Variants in RTN4 observed in about 807,000 individuals in gnomAD.
The protein encoded by RTN4 is reticulon-4.
A neutral mutation model predicts 90.4 loss-of-function variants in RTN4; 32 were observed. That is an observed-to-expected ratio of 0.35 (90% CI 0.27 to 0.48). The LOEUF is 0.48. Among genes scored for constraint, RTN4 ranks in the 20% least tolerant of loss-of-function variants. RTN4 has a pLI of 0.99. For synonymous variants in RTN4, 629 were observed against 552.5 expected (o/e 1.14, Z -1.94); for missense variants, 1,706 against 1,430.2 (o/e 1.19, Z -3.11).
chr2:55,072,617 A>G (rs1217433297), intron 2 of RTN4, among the ~76,000 whole-genome samples: 1 of 152,262 alleles, frequency 6.6e-6, no homozygotes, highest in African/African-American at 2.4e-5. Context: ...CACTTTTGAT[A>G]ATAATTTTTT....
intron 1 of RTN4, among the ~76,000 whole-genome samples, chr2:55,085,917 C>A (rs1668828816): frequency 2.0e-5 from 3 of 152,174 alleles, no homozygotes; most frequent in Admixed American, 6.5e-5. Context: ...CTTGTGTAAT[C>A]TTCACAAATC....
At chr2:55,041,501 C>G (rs753509870) in intron 1 of RTN4, among the ~76,000 whole-genome samples, 1 of 152,004 alleles carries the variant, frequency 6.6e-6, no homozygotes, top group South Asian at 2.1e-4. Flanking sequence ...GCACAACAGT[C>G]TGATACTTCT....
intron 3 of RTN4, among the ~76,000 whole-genome samples, chr2:54,989,964 C>T (rs1390771096): frequency 4.6e-5 from 7 of 152,022 alleles, no homozygotes; most frequent in African/African-American, 1.7e-4. Context: ...GGTAGGATCA[C>T]TCTTTCCTGT....
intron 3 of RTN4, among the ~76,000 whole-genome samples, chr2:55,022,017 A>G (rs1681478139): frequency 6.6e-6 from 1 of 152,168 alleles, no homozygotes; most frequent in African/African-American, 2.4e-5. Context: ...TTCTTCCACC[A>G]TTCCCATTAA....
the RTN4 span, among the ~76,000 whole-genome samples, chr2:55,136,447 A>C: frequency 6.6e-6 from 1 of 152,224 alleles, no homozygotes; most frequent in African/African-American, 2.4e-5. Flanking sequence ...ACTTGGACTC[A>C]AGTCGCCCGC....
chr2:55,081,177 G>C (rs373175022), intron 1 of RTN4, among the ~76,000 whole-genome samples: 1 of 152,082 alleles, frequency 6.6e-6, no homozygotes, highest in Non-Finnish European at 1.5e-5. Flanking sequence ...TGGGCCAAGT[G>C]ATCCTCCTGC....
Position 55,025,518 on chromosome 2 carries a change from C to A in RTN4, c.2581G>T (p.Asp861Tyr), listed in dbSNP as rs1199522689. Reference sequence around the variant, plus strand: ...TCTATAATTTCAATTGGAGATGAATCTGAAAACGTTTCAGTTTCTCTTATC... The same window carrying A: ...TCTATAATTTCAATTGGAGATGAATATGAAAACGTTTCAGTTTCTCTTATC... ...AQIRETETFS[D>Y]SSPIEIIDEF... The change falls in exon 3 of 9, where the codon GAT becomes TAT. Residue 861 changes from aspartate to tyrosine, a missense_variant. By Grantham distance (160) the Asp-to-Tyr change is radical. Transcript: ENST00000337526. 1.3e-5 allele frequency: 21 copies of A among 1,613,566 alleles called. No individual in the cohort carries two copies. The highest frequency in any genetic ancestry group is 1.5e-5 in the Non-Finnish European group (18 of 1,179,768).
chr2:55,067,380 G>C (rs1033774598), intron 2 of RTN4, among the ~76,000 whole-genome samples: 3 of 151,378 alleles, frequency 2.0e-5, no homozygotes, highest in African/African-American at 7.3e-5. Flanking sequence ...TGTTTGCTTT[G>C]AAGGGATCAA....
intron 1 of RTN4, among the ~76,000 whole-genome samples, chr2:55,047,403 T>G (rs1667819613): frequency 6.6e-6 from 1 of 152,064 alleles, no homozygotes; most frequent in Non-Finnish European, 1.5e-5. Flanking sequence ...CTCAAGTATG[T>G]CTTTTTCATA....
rs750775178 is a variant in RTN4, at chr2:55,025,131, T to C, written c.2968A>G (p.Arg990Gly). The stretch of plus-strand genomic sequence containing the variant: ...GCTGAAAATATAGCAGATGGTGATC[T>C]GTCCTCTTTTTCTGTATCGGAAGGA... ...KLPSDTEKED[R>G]SPSAIFSAEL... The change falls in exon 3 of 9, where the codon AGA becomes GGA. Residue 990 changes from arginine (R) to glycine (G), a missense_variant. Coordinates refer to ENST00000337526, the MANE Select transcript of RTN4 (RefSeq NM_020532.5). 1.2e-6 allele frequency: 2 copies of C among 1,613,242 alleles called. No individual in the cohort carries two copies. Among genetic ancestry groups the C allele is most frequent in the South Asian group, 1.1e-5 (1 of 90,946 alleles).
At chr2:55,072,593 A>C (rs1668536288) in intron 2 of RTN4, among the ~76,000 whole-genome samples, 1 of 152,134 alleles carries the variant, frequency 6.6e-6, no homozygotes, top group Admixed American at 6.5e-5. Context: ...GGGCATACAC[A>C]TTTTTTAAGT....
chr2:55,077,017 T>C (rs1558869836), intron 2 of RTN4, among the ~76,000 whole-genome samples: 1 of 150,310 alleles, frequency 6.7e-6, no homozygotes, highest in East Asian at 1.9e-4. Flanking sequence ...CAGTTCTTTT[T>C]TTTTTTTTTT....
At chr2:55,067,371 G>A (rs542246319) in intron 2 of RTN4, among the ~76,000 whole-genome samples, 2 of 151,012 alleles carry the variant, frequency 1.3e-5, no homozygotes, top group Admixed American at 6.6e-5. Context: ...AATAGCACAT[G>A]TTTGCTTTGA....
upstream of RTN4, among the ~76,000 whole-genome samples, chr2:55,114,228 G>C (rs1226794903): frequency 6.6e-6 from 1 of 152,186 alleles, no homozygotes; most frequent in Non-Finnish European, 1.5e-5. Context: ...GGGACTTGGT[G>C]CACCATTTGC....
At chr2:54,975,493 A>T (rs1573260789) in intron 5 of RTN4, among the ~76,000 whole-genome samples, 1 of 152,222 alleles carries the variant, frequency 6.6e-6, no homozygotes, top group Admixed American at 6.5e-5. Context: ...GGGGATCAGC[A>T]AACTTTCTCT....
the RTN4 span, among the ~76,000 whole-genome samples, chr2:55,122,214 A>G: frequency 5.3e-5 from 8 of 152,268 alleles, no homozygotes; most frequent in African/African-American, 1.7e-4. Context: ...CCTGGACTCA[A>G]GCAATCCACC....
chr2:55,027,260 G>A lies in RTN4; in HGVS notation c.839C>T (p.Ala280Val), dbSNP rs1681969125. The change falls in exon 3 of 9, where the codon GCA (alanine) becomes GTA (valine). Residue 280 changes from alanine to valine, a missense_variant. By Grantham distance (64) the Ala-to-Val change is moderately conservative. Coordinates refer to ENST00000337526, the MANE Select transcript of RTN4 (RefSeq NM_020532.5). ...ATCTCTATCTATGAGTAGAGTTTTT[G>A]CCTTCTCTGAGACCTCTTTAGAAGC... ...SEASKEVSEK[A>V]KTLLIDRDLT... 1 of 1,613,634 alleles carries A rather than the reference G, an allele frequency of 6.2e-7. No individual in the cohort carries two copies. Among genetic ancestry groups the A allele is most frequent in the Non-Finnish European group, 8.5e-7 (1 of 1,179,782 alleles).
At chr2:55,029,519 A>G (rs1382161518) in intron 1 of RTN4, among the ~76,000 whole-genome samples, 9 of 152,234 alleles carry the variant, frequency 5.9e-5, no homozygotes, top group Non-Finnish European at 1.3e-4. Flanking sequence ...TAATAAATTT[A>G]GACAATTTCA....
In RTN4 at chr2:55,097,729, T is replaced by C. The variant is rs140984927; in HGVS notation, c.-214+14791A>G. 1.1e-3 allele frequency among the ~76,000 whole-genome samples: 171 copies of C among 152,216 alleles called. 3 individuals are homozygous for C. Among genetic ancestry groups the C allele is most frequent in the Middle Eastern group, 6.8e-3 (2 of 294 alleles). On this transcript the variant is annotated intron_variant, in intron 1 of 3. Coordinates refer to the RTN4 transcript ENST00000427710. The stretch of plus-strand genomic sequence containing the variant: ...CTGGGAAAGATAATGAGCTCAGTTT[T>C]GGAACATGTTGACTTTGAAGTGAAA...
Sources: allele counts gnomAD v4.1 joint callset (sites outside exome capture counted in the v4.1 genomes callset), GRCh38; gene constraint gnomAD v4.1.1; transcripts MANE v1.5; gene names NCBI Gene and HGNC (gene_info 2026-07-23, HGNC 2026-07-21).